Variants in HPS3 observed in about 807,000 individuals in gnomAD.
The protein encoded by HPS3 is HPS3 biogenesis of lysosomal organelles complex 2 subunit 1, also known as BLOC-2 complex member HPS3.
Under a neutral mutation model 110.9 loss-of-function variants are expected in HPS3, and 79 were observed. The observed-to-expected ratio is 0.71, with a 90% CI of 0.59 to 0.86. HPS3 has a LOEUF of 0.86. HPS3 is among the 40% of genes least tolerant of loss of function. HPS3 has a pLI of 0.00. For missense variants in HPS3, 1,197 were observed against 1,206.2 expected, an observed-to-expected ratio of 0.99 and a Z score of 0.11; for synonymous variants, 428 against 451.0, an observed-to-expected ratio of 0.95 and a Z score of 0.65.
intron 14 of HPS3, among the ~76,000 whole-genome samples, chr3:149,165,246 A>C (rs1724300548): frequency 6.6e-6 from 1 of 152,202 alleles, no homozygotes; most frequent in Non-Finnish European, 1.5e-5. Flanking sequence ...TAGATCATAC[A>C]CACTAATTAC....
chr3:149,140,022 T>C lies in HPS3; in HGVS notation c.236T>C (p.Ile79Thr), dbSNP rs777300722. 22 of 1,613,134 alleles carry C rather than the reference T, an allele frequency of 1.4e-5. No individual in the cohort carries two copies. The South Asian group carries it at 2.1e-4, about 15-fold the overall frequency. ...YSEAGDYLVA[I>T]EEKNKATFLR... ...TTCTCAGGAGATTATTTGGTAGCAA[T>C]TGAAGAGAAAAACAAAGCTACATTT... Residue 79 changes from isoleucine to threonine, a missense_variant, in exon 2 of 17, where the codon ATT becomes ACT. Ile to Thr is a moderately conservative substitution (Grantham distance 89). Coordinates refer to ENST00000296051, the MANE Select transcript of HPS3 (RefSeq NM_032383.5).
intron 4 of HPS3, among the ~76,000 whole-genome samples, chr3:149,141,916 T>C (rs751708340): frequency 6.6e-6 from 1 of 151,210 alleles, no homozygotes; most frequent in Admixed American, 6.6e-5. Flanking sequence ...AATGGTATGA[T>C]CTTGGCTCAC....
At chr3:149,130,024 C>T in intron 1 of HPS3, 84 bp downstream of exon 1, 3 of 1,309,400 alleles carry the variant, frequency 2.3e-6, no homozygotes, top group Non-Finnish European at 1.1e-6. Context: ...GGCTGTAGCT[C>T]TAGCTAGGGA....
intron 16 of HPS3, 100 bp downstream of exon 16, chr3:149,168,083 G>A (rs955909584): frequency 3.7e-5 from 28 of 758,658 alleles, no homozygotes; most frequent in Admixed American, 2.0e-4. Flanking sequence ...AAGTGAAACC[G>A]AGGGCCTTTC....
intron 6 of HPS3, among the ~76,000 whole-genome samples, chr3:149,152,036 C>T (rs1723162719): frequency 6.6e-6 from 1 of 152,226 alleles, no homozygotes; most frequent in African/African-American, 2.4e-5. Flanking sequence ...TTTTTAATGG[C>T]CTGCCTGTGG....
intron 1 of HPS3, among the ~76,000 whole-genome samples, chr3:149,132,319 G>C (rs1171628955): frequency 6.6e-6 from 1 of 152,198 alleles, no homozygotes; most frequent in African/African-American, 2.4e-5. Flanking sequence ...CTTGTTAGGG[G>C]GTGATGCAGC....
chr3:149,144,949 A>T (rs13083083), intron 4 of HPS3, among the ~76,000 whole-genome samples: 9,917 of 152,266 alleles, frequency 0.065, 550 homozygotes, highest in African/African-American at 0.15. Flanking sequence ...TTTTACTTTT[A>T]AAAATGTGAT....
chr3:149,130,304 A>G, intron 1 of HPS3: 1 of 343,598 alleles, frequency 2.9e-6, no homozygotes. Flanking sequence ...ACAAGTAGGA[A>G]TAAGGAGACT....
At chr3:149,171,148 C>T (rs1344777594) in intron 16 of HPS3, among the ~76,000 whole-genome samples, 2 of 151,982 alleles carry the variant, frequency 1.3e-5, no homozygotes, top group African/African-American at 2.4e-5. Flanking sequence ...CGTGGTGGTG[C>T]GCACCTGTAG....
At position 149,172,360 on chromosome 3, in the gene HPS3, A is replaced by G. The variant is rs1049481742; in HGVS notation, c.*138A>G. On this transcript the variant is annotated 3_prime_UTR_variant, in exon 17 of 17. Transcript: ENST00000296051. ...CACACACACACACACACACACATAT[A>G]TGATACAAATGCTTTCAGGCTGCTT... 7.4e-6 allele frequency: 5 copies of G among 674,006 alleles called. No individual in the cohort carries two copies. The Admixed American group carries it at 9.1e-5, about 12-fold the overall frequency. The allele number at this position is 674,006 out of a possible 1,614,324, so 41.8% of individuals were successfully genotyped here. A position where few individuals can be genotyped will look rare whatever the true frequency, so the allele number is the denominator to read the frequency against.
intron 6 of HPS3, among the ~76,000 whole-genome samples, chr3:149,151,926 C>T (rs1723155177): frequency 6.6e-6 from 1 of 152,186 alleles, no homozygotes; most frequent in African/African-American, 2.4e-5. Context: ...CGACTTAGTG[C>T]CTAATGTGTC....
At chr3:149,158,598 G>T (rs1723598824) in intron 9 of HPS3, 68 bp from the exon 10 acceptor site, 1 of 1,407,778 alleles carries the variant, frequency 7.1e-7, no homozygotes, top group Non-Finnish European at 1.0e-6. Flanking sequence ...AATCAGTCTG[G>T]GCAACATAGT....
chr3:149,160,412 A>G (rs1576689417), intron 11 of HPS3, 133 bp downstream of exon 11: 1 of 701,430 alleles, frequency 1.4e-6, no homozygotes, highest in East Asian at 2.7e-5. Flanking sequence ...TATTAGAAAC[A>G]AAGTGATCCA....
At chr3:149,139,327 C>T (rs1020079026) in intron 1 of HPS3, among the ~76,000 whole-genome samples, 1 of 152,114 alleles carries the variant, frequency 6.6e-6, no homozygotes, top group African/African-American at 2.4e-5. Flanking sequence ...CAGAATACCT[C>T]TCTGTGATCT....
intron 5 of HPS3, among the ~76,000 whole-genome samples, chr3:149,146,537 T>A (rs1047629976): frequency 2.0e-5 from 3 of 152,152 alleles, no homozygotes; most frequent in African/African-American, 4.8e-5. Flanking sequence ...TTTAGGAACA[T>A]CCAAAAATTA....
At chr3:149,164,782 C>T (rs986429884) in intron 14 of HPS3, among the ~76,000 whole-genome samples, 10 of 152,174 alleles carry the variant, frequency 6.6e-5, no homozygotes, top group East Asian at 1.9e-4. Flanking sequence ...ACTGTCCTCC[C>T]GCACAGTTAT....
intron 10 of HPS3, 23 bp downstream of exon 10, chr3:149,158,869 T>C (rs777941397): frequency 6.8e-7 from 1 of 1,473,998 alleles, no homozygotes; most frequent in East Asian, 2.3e-5. Flanking sequence ...TTCTGTTTTC[T>C]ATCTAATATT....
intron 8 of HPS3, 75 bp from the exon 9 acceptor site, chr3:149,157,275 A>G (rs1167470644): frequency 4.8e-6 from 6 of 1,254,332 alleles, no homozygotes; most frequent in African/African-American, 3.0e-5. Context: ...AACAAAATAT[A>G]TAAATGTTTT....
chr3:149,158,578 A>G (rs1042672094), intron 9 of HPS3, 88 bp from the exon 10 acceptor site: 2 of 1,204,246 alleles, frequency 1.7e-6, no homozygotes, highest in African/African-American at 1.5e-5. Flanking sequence ...ACTTGAGGTC[A>G]GGAGTTTGAA....
Sources: allele counts gnomAD v4.1 joint callset (sites outside exome capture counted in the v4.1 genomes callset), GRCh38; gene constraint gnomAD v4.1.1; transcripts MANE v1.5; gene names NCBI Gene and HGNC (gene_info 2026-07-23, HGNC 2026-07-21).